Variants in RPTOR observed in about 807,000 individuals in gnomAD.
RPTOR encodes regulatory-associated protein of mTOR.
Under a neutral mutation model 169.9 loss-of-function variants are expected in RPTOR, and 21 were observed. The ratio of observed to expected loss-of-function variants is 0.12; its 90% CI spans 0.09 to 0.18. The LOEUF is 0.18. Ranked by LOEUF, RPTOR falls within the 10% of genes least tolerant of loss-of-function variation. The probability of loss-of-function intolerance (pLI) is 1.00; values close to 1 mark genes in which losing one functional copy is unlikely to be tolerated. For missense variants in RPTOR, 1,133 were observed against 1,855.9 expected (o/e 0.61, Z 7.16); for synonymous variants, 732 against 753.2 (o/e 0.97, Z 0.46).
At position 80,823,473 on chromosome 17, in the gene RPTOR, C is replaced by T; in HGVS notation, c.1136+250C>T. On this transcript the variant is annotated intron_variant, in intron 9 of 33. Transcript: ENST00000306801. The surrounding 1 kb of genome is among the most constrained non-coding windows in gnomAD (Gnocchi z 4.5). ...CGGGAGCAGCGGCCGGCTGAAGCCT[C>T]ACAGCTCTGCAACTCGGGAGGGTAG... 2.4e-6 allele frequency: 1 copy of T among 412,726 alleles called. No individual in the cohort carries two copies. Among genetic ancestry groups the T allele is most frequent in the Middle Eastern group, 6.3e-4 (1 of 1,578 alleles). 25.6% of individuals were successfully genotyped at this position (412,726 alleles called of 1,614,324 possible). A position where few individuals can be genotyped will look rare whatever the true frequency, so the allele number is the denominator to read the frequency against.
intron 24 of RPTOR, among the ~76,000 whole-genome samples, chr17:80,937,433 C>T (rs1199973588): frequency 6.6e-6 from 1 of 152,192 alleles, no homozygotes; most frequent in Non-Finnish European, 1.5e-5. Context: ...AACCTCTAAT[C>T]TCCCTTTATT....
intron 5 of RPTOR, among the ~76,000 whole-genome samples, chr17:80,731,611 A>T (rs1444492997): frequency 6.6e-6 from 1 of 152,240 alleles, no homozygotes; most frequent in African/African-American, 2.4e-5. Context: ...AGTTTCGATT[A>T]AGAGGCCTCC....
In RPTOR at chr17:80,754,171, G is replaced by A; in HGVS notation, c.816G>A (p.Lys272=). 6.2e-7 allele frequency: 1 copy of A among 1,607,298 alleles called. No homozygotes were observed. Among genetic ancestry groups the A allele is most frequent in the Non-Finnish European group, 8.5e-7 (1 of 1,176,296 alleles). ...LFTSCLTTPI[K]IALRWFCMQK... is the part of the protein sequence containing the mutation. ...CCTCCTGCCTCACCACCCCCATCAA[G>A]ATCGCCCTGCGCTGGTGAGTGGCCC... is the stretch of plus-strand genomic sequence containing the variant. Residue 272 remains lysine (K), a synonymous_variant, in exon 6 of 34, where the codon AAG becomes AAA. Transcript: ENST00000306801. The surrounding 1 kb of genome is among the most constrained non-coding windows in gnomAD (Gnocchi z 4.2).
chr17:80,719,255 T>C (rs1305558905), intron 4 of RPTOR, among the ~76,000 whole-genome samples: 2 of 151,922 alleles, frequency 1.3e-5, no homozygotes, highest in African/African-American at 4.8e-5. Context: ...GAAAATGGCA[T>C]GGGGGAAGCC....
At chr17:80,855,670 G>A in intron 12 of RPTOR, 123 bp downstream of exon 12, 1 of 754,130 alleles carries the variant, frequency 1.3e-6, no homozygotes, top group Non-Finnish European at 2.3e-6. Flanking sequence ...CCCAGGGCGA[G>A]TGTGTCCACC....
At chr17:80,824,988 C>T (rs62069416) in intron 9 of RPTOR, among the ~76,000 whole-genome samples, 600 of 151,594 alleles carry the variant, frequency 4.0e-3, no homozygotes, top group Non-Finnish European at 7.0e-3. Flanking sequence ...GGCCGCGTGG[C>T]GAGGCCAGCG....
At chr17:80,952,247 C>T (rs1335392491) in intron 28 of RPTOR, among the ~76,000 whole-genome samples, 3 of 152,234 alleles carry the variant, frequency 2.0e-5, no homozygotes, top group Admixed American at 1.3e-4. Context: ...AGGTTGGTTT[C>T]CCTCCGCGGT....
At chr17:80,574,196 C>T (rs1437546011) in intron 1 of RPTOR, among the ~76,000 whole-genome samples, 5 of 128,272 alleles carry the variant, frequency 3.9e-5, no homozygotes, top group African/African-American at 1.2e-4. Flanking sequence ...CTCGCTCTGT[C>T]GCCCAGGCCG....
Position 80,609,953 on chromosome 17 carries a change from C to G in RPTOR, c.163-15738C>G, listed in dbSNP as rs2065258446. On this transcript the variant is annotated intron_variant, in intron 1 of 33. Transcript: ENST00000306801. This position sits in a 1 kb window ranked among gnomAD's most constrained non-coding sequence, Gnocchi z 4.8. ...CATTCCCCTGCAGTGCCTGCTGGGTCCTGGAACGAGGCCTTCCAGCAAGTC... is the reference window on the plus strand; with the variant it reads ...CATTCCCCTGCAGTGCCTGCTGGGTGCTGGAACGAGGCCTTCCAGCAAGTC... Among the ~76,000 whole-genome samples the G allele has an allele frequency of 6.6e-6, 1 of 152,122 alleles. No homozygotes were observed. Among genetic ancestry groups the G allele is most frequent in the South Asian group, 2.1e-4 (1 of 4,820 alleles).
chr17:80,555,417 C>T (rs1456312896), intron 1 of RPTOR, among the ~76,000 whole-genome samples: 1 of 152,116 alleles, frequency 6.6e-6, no homozygotes, highest in Non-Finnish European at 1.5e-5. Context: ...AGATGCACCA[C>T]CGCCCACCCA....
In RPTOR at chr17:80,959,230, G is replaced by T. The variant is rs1005858681; in HGVS notation, c.3478-848G>T. On this transcript the variant is annotated intron_variant, in intron 29 of 33. Transcript: ENST00000306801. The surrounding 1 kb of genome is among the most constrained non-coding windows in gnomAD (Gnocchi z 6.7). Reference sequence around the variant, plus strand: ...ATGGCACCTTCTTTGGGGTGGGGGGGTCTTGCACCTGTCTGGAGCTGTGGC... The same window carrying T: ...ATGGCACCTTCTTTGGGGTGGGGGGTTCTTGCACCTGTCTGGAGCTGTGGC... Among the ~76,000 whole-genome samples the T allele has an allele frequency of 2.5e-4, 38 of 152,352 alleles. No homozygotes were observed. Among genetic ancestry groups the T allele is most frequent in the African/African-American group, 9.1e-4 (38 of 41,592 alleles).
At chr17:80,859,106 G>T (rs1227674395) in intron 13 of RPTOR, among the ~76,000 whole-genome samples, 2 of 152,186 alleles carry the variant, frequency 1.3e-5, no homozygotes, top group East Asian at 1.9e-4. Context: ...GCCGGCTGGG[G>T]CTCGGGGAGC....
intron 3 of RPTOR, among the ~76,000 whole-genome samples, chr17:80,671,546 TA>T (rs1320734775): frequency 6.6e-6 from 1 of 152,098 alleles, no homozygotes; most frequent in Non-Finnish European, 1.5e-5. Flanking sequence ...AGCATTCCTT[TA>T]AAAAAGAACT....
chr17:80,692,275 C>CTACGTTATGT (rs1555607928), intron 3 of RPTOR, among the ~76,000 whole-genome samples: 128 of 139,416 alleles, frequency 9.2e-4, no homozygotes, highest in African/African-American at 3.3e-3. Context: ...CCATGTCTGG[C>CTACGTTATGT]TACGTTATGT....
intron 3 of RPTOR, among the ~76,000 whole-genome samples, chr17:80,686,855 T>A (rs2065951997): frequency 6.6e-6 from 1 of 152,164 alleles, no homozygotes; most frequent in South Asian, 2.1e-4. Context: ...TTCCATGAAA[T>A]TTATTTTCAA....
chr17:80,867,611 C>G (rs1448364616), intron 13 of RPTOR, among the ~76,000 whole-genome samples: 1 of 152,130 alleles, frequency 6.6e-6, no homozygotes, highest in African/African-American at 2.4e-5. Flanking sequence ...GCATGATTGT[C>G]TATGTGGAGA....
At chr17:80,725,295 A>G (rs924076192) in intron 4 of RPTOR, among the ~76,000 whole-genome samples, 3 of 152,242 alleles carry the variant, frequency 2.0e-5, no homozygotes, top group African/African-American at 7.2e-5. Context: ...GATGTTTAAT[A>G]TAACCTGACA....
chr17:80,944,552 A>G (rs775775683), intron 25 of RPTOR, among the ~76,000 whole-genome samples: 8 of 152,200 alleles, frequency 5.3e-5, no homozygotes, highest in Non-Finnish European at 1.0e-4. Flanking sequence ...CGTCACCCCA[A>G]GAGCCCAGAT....
At chr17:80,700,757 A>ATGGTGGTGGTGGTGG (rs1460891152) in intron 3 of RPTOR, among the ~76,000 whole-genome samples, 1 of 48,464 alleles carries the variant, frequency 2.1e-5, no homozygotes, top group Non-Finnish European at 5.3e-5. Context: ...GGTGGTGATG[A>ATGGTGGTGGTGGTGG]TGGTGATGGT....
Sources: allele counts gnomAD v4.1 joint callset (sites outside exome capture counted in the v4.1 genomes callset), GRCh38; gene constraint gnomAD v4.1.1; non-coding constraint Gnocchi (gnomAD v3.1); transcripts MANE v1.5; gene names NCBI Gene and HGNC (gene_info 2026-07-23, HGNC 2026-07-21).